The following BOD1L1 variants were observed in gnomAD, a reference collection of about 807,000 sequenced individuals.
BOD1L1 encodes biorientation of chromosomes in cell division 1 like 1, also known as biorientation of chromosomes in cell division protein 1-like 1.
Under a neutral mutation model 240.7 loss-of-function variants are expected in BOD1L1, and 86 were observed. The observed-to-expected ratio is 0.36, with a 90% CI of 0.30 to 0.43. BOD1L1 has a LOEUF of 0.43. Among genes scored for constraint, BOD1L1 ranks in the 20% least tolerant of loss-of-function variants. The pLI, the probability that BOD1L1 is intolerant of heterozygous loss-of-function variation, is 1.00. For missense variants in BOD1L1, 3,554 were observed against 3,643.5 expected (o/e 0.98, Z 0.63); for synonymous variants, 1,268 against 1,272.3 (o/e 1.00, Z 0.07).
At position 13,603,472 on chromosome 4, in the gene BOD1L1, T is replaced by C. The variant is rs1327369566; in HGVS notation, c.3428A>G (p.Asn1143Ser). The change falls in exon 10 of 26, where the codon AAT (asparagine) becomes AGT (serine). Residue 1143 changes from asparagine (N) to serine (S), a missense_variant. By Grantham distance (46) the Asn-to-Ser change is conservative (BLOSUM62 1). Coordinates refer to ENST00000040738, the MANE Select transcript of BOD1L1 (RefSeq NM_148894.3). The part of the protein sequence containing the change: ...EVSKTQDNRN[N>S]NSQQDIDSEN... ...AGAGTCAATGTCTTGCTGAGAATTATTATTGCGGTTGTCTTGGGTTTTAGA... is the reference window on the plus strand; with the variant it reads ...AGAGTCAATGTCTTGCTGAGAATTACTATTGCGGTTGTCTTGGGTTTTAGA... 6.2e-7 allele frequency: 1 copy of C among 1,614,000 alleles called. No homozygotes were observed. Among genetic ancestry groups the C allele is most frequent in the African/African-American group, 1.3e-5 (1 of 75,056 alleles).
intron 1 of BOD1L1, among the ~76,000 whole-genome samples, chr4:13,623,021 G>C (rs967890363): frequency 2.0e-5 from 3 of 152,152 alleles, no homozygotes; most frequent in Non-Finnish European, 4.4e-5. Flanking sequence ...GAATGCTCAA[G>C]CCCCAGACAG....
intron 1 of BOD1L1, among the ~76,000 whole-genome samples, chr4:13,622,106 C>A (rs936508249): frequency 1.3e-5 from 2 of 152,072 alleles, no homozygotes; most frequent in African/African-American, 4.8e-5. Flanking sequence ...CTCAAGTGAT[C>A]CACCTTTCTC....
chr4:13,616,834 TA>T (rs1313196133), intron 2 of BOD1L1, among the ~76,000 whole-genome samples: 1 of 151,170 alleles, frequency 6.6e-6, no homozygotes, highest in Non-Finnish European at 1.5e-5. Flanking sequence ...TTTTAAAGAT[TA>T]AAAAAAAATG....
chr4:13,601,311 T>G lies in BOD1L1; in HGVS notation c.5589A>C (p.Glu1863Asp), dbSNP rs1342008722. Reference sequence around the variant, plus strand: ...TCACAACATCCTCCCCTTCCTCGTCTTCCTCTTTTGCGCCTGTGCTAGTCA... The same window carrying G: ...TCACAACATCCTCCCCTTCCTCGTCGTCCTCTTTTGCGCCTGTGCTAGTCA... ...GIVTSTGAKE[E>D]DEEGEDVVTS... Residue 1863 changes from glutamate (E) to aspartate (D), a missense_variant, in exon 10 of 26, where the codon GAA becomes GAC. Physicochemically the swap from Glu to Asp is conservative, Grantham distance 45 (BLOSUM62 2). This residue lies in a region of BOD1L1 where 3,393 missense variants were observed against 3,427.1 expected (regional missense o/e 0.99). Transcript: ENST00000040738. The G allele has an allele frequency of 6.2e-7, 1 of 1,613,900 alleles. No individual in the cohort carries two copies. The highest frequency in any genetic ancestry group is 2.2e-5 in the East Asian group (1 of 44,896).
At chr4:13,576,780 A>AC in intron 25 of BOD1L1, 58 bp downstream of exon 25, 2 of 1,552,438 alleles carry the variant, frequency 1.3e-6, no homozygotes, top group Non-Finnish European at 1.7e-6. Context: ...AACCCAGAGC[A>AC]ATTTTCAGAT....
chr4:13,602,006 C>A lies in BOD1L1; in HGVS notation c.4894G>T (p.Ala1632Ser). Residue 1632 changes from alanine to serine, a missense_variant, in exon 10 of 26, where the codon GCT (alanine) becomes TCT (serine). Ala to Ser is a moderately conservative substitution (Grantham distance 99). Around this residue, in one of 2 missense-constraint regions of BOD1L1, gnomAD observed 3,393 missense variants for 3,427.1 expected, o/e 0.99. Coordinates refer to ENST00000040738, the MANE Select transcript of BOD1L1 (RefSeq NM_148894.3). ...GCTTCGATTTTAACTGCATGCACAG[C>A]CAGTAGGTCTGCTGCTCTGTCCTCA... ...ESEDRAADLL[A>S]VHAVKIEANV... is the part of the protein sequence containing the mutation. 6.2e-7 allele frequency: 1 copy of A among 1,614,012 alleles called. No homozygotes were observed. The highest frequency in any genetic ancestry group is 8.5e-7 in the Non-Finnish European group (1 of 1,179,900).
rs374707571 is a variant in BOD1L1, at chr4:13,617,645, A to G, written c.369-2143T>C. Among the ~76,000 whole-genome samples the G allele has an allele frequency of 2.6e-5, 4 of 152,230 alleles. No individual in the cohort carries two copies. In the East Asian group the frequency reaches 7.7e-4, roughly 29 times the overall value. ...ATTTTCAGATTCTGTTGTACAAATA[A>G]AAGCTTAAGTAGAATAAAATTTTCC... On this transcript the variant is annotated intron_variant, in intron 2 of 25. Coordinates refer to ENST00000040738, the MANE Select transcript of BOD1L1 (RefSeq NM_148894.3).
chr4:13,593,578 AGATT>A (rs888094566), intron 12 of BOD1L1: 3 of 152,146 alleles, frequency 2.0e-5, no homozygotes, highest in African/African-American at 7.2e-5. Context: ...GTGGGGGAAG[AGATT>A]GATTGAGCCA....
intron 25 of BOD1L1, among the ~76,000 whole-genome samples, chr4:13,576,373 T>C (rs1021883407): frequency 6.6e-6 from 1 of 152,152 alleles, no homozygotes; most frequent in African/African-American, 2.4e-5. Flanking sequence ...ACCTCAAAAA[T>C]GGTCAAATTT....
In BOD1L1 at chr4:13,579,915, G is replaced by A; in HGVS notation, c.8749+13C>T. The A allele has an allele frequency of 9.7e-6, 15 of 1,554,314 alleles. No homozygotes were observed. Among genetic ancestry groups the A allele is most frequent in the East Asian group, 2.4e-5 (1 of 41,788 alleles). The stretch of plus-strand genomic sequence containing the variant: ...CCTCAGATAACACACAGAGGAATGC[G>A]GTAGGTACATACCTGTTTGCATTAC... On this transcript the variant is annotated intron_variant, in intron 22 of 25. Coordinates refer to ENST00000040738, the MANE Select transcript of BOD1L1 (RefSeq NM_148894.3).
Position 13,613,651 on chromosome 4 carries a change from C to T in BOD1L1, c.1185G>A (p.Leu395=), listed in dbSNP as rs749505545. 1.1e-5 allele frequency: 17 copies of T among 1,532,448 alleles called. No homozygotes were observed. The highest frequency in any genetic ancestry group is 1.4e-5 in the Non-Finnish European group (16 of 1,132,730). The allele number at this position is 1,532,448 out of a possible 1,614,324, so 94.9% of individuals were successfully genotyped here. The stretch of plus-strand genomic sequence containing the variant: ...TAAGTCCATCCACATCAGAATCTAT[C>T]AAAGAGAAATCTTCAAGCGGAAAAT... ...TVEGTKEDFS[L]IDSDVDGLTD... is the part of the protein sequence containing the mutation. Residue 395 remains leucine, a synonymous_variant, in exon 5 of 26, where the codon TTG becomes TTA. Transcript: ENST00000040738. The surrounding 1 kb of genome is among the most constrained non-coding windows in gnomAD (Gnocchi z 4.0).
intron 2 of BOD1L1, among the ~76,000 whole-genome samples, chr4:13,617,202 A>G (rs1168443605): frequency 1.4e-5 from 2 of 146,064 alleles, no homozygotes; most frequent in Admixed American, 7.3e-5. Flanking sequence ...CTGAGATGGC[A>G]CCACTGCACT....
intron 19 of BOD1L1, among the ~76,000 whole-genome samples, 172 bp from the exon 20 acceptor site, chr4:13,581,379 C>T (rs1040749058): frequency 6.6e-6 from 1 of 152,158 alleles, no homozygotes; most frequent in Non-Finnish European, 1.5e-5. Context: ...TTACTGATCT[C>T]ACCATTGCTT....
Position 13,570,945 on chromosome 4 carries a change from T to C in BOD1L1, c.9039-817A>G, listed in dbSNP as rs1367937293. On this transcript the variant is annotated intron_variant, in intron 25 of 25. Transcript: ENST00000040738. ...GCATTTACCATTGTGATTCATCTGC[T>C]GTGTTTTTTCAAACTGCAAGTTACA... Among the ~76,000 whole-genome samples, 3 of 152,362 alleles carry C rather than the reference T, an allele frequency of 2.0e-5. No homozygotes were observed. The South Asian group carries it at 6.2e-4, about 32-fold the overall frequency.
At position 13,608,730 on chromosome 4, in the gene BOD1L1, AT is replaced by A. The variant is rs1445940669; in HGVS notation, c.1604-63del. 3 of 1,303,850 alleles carry A rather than the reference AT, an allele frequency of 2.3e-6. No individual in the cohort carries two copies. The African/African-American group carries it at 4.6e-5, about 20-fold the overall frequency. 80.8% of individuals were successfully genotyped at this position (1,303,850 alleles called of 1,614,324 possible). On this transcript the variant is annotated intron_variant, in intron 7 of 25. Transcript: ENST00000040738. ...AAGTTTTACAAACAATGTAATATTA[AT>A]TTTTCATTAAGATTTTTCTAATCAT...
rs780070169 is a variant in BOD1L1, at chr4:13,603,663, T to G, written c.3237A>C (p.Ser1079=). ...TTTCTTCTCCTTTGGCCATTTCTTG[T>G]GACAAGCTTCCTCTCCGATTTTCGC... ...RLCENRRGSL[S]QEMAKGEEKL... is the part of the protein sequence containing the mutation. The change falls in exon 10 of 26, where the codon TCA becomes TCC. Residue 1079 remains serine, a synonymous_variant. Coordinates refer to ENST00000040738, the MANE Select transcript of BOD1L1 (RefSeq NM_148894.3). 4.3e-6 allele frequency: 7 copies of G among 1,613,884 alleles called. No individual in the cohort carries two copies. In the African/African-American group the frequency reaches 6.7e-5, roughly 15 times the overall value.
At chr4:13,580,345 T>C (rs1713125816) in intron 21 of BOD1L1, among the ~76,000 whole-genome samples, 1 of 152,202 alleles carries the variant, frequency 6.6e-6, no homozygotes, top group African/African-American at 2.4e-5. Context: ...ATCATACCAC[T>C]TCACATTCAA....
In BOD1L1 at chr4:13,579,962, A is replaced by G; in HGVS notation, c.8715T>C (p.Ser2905=). The stretch of plus-strand genomic sequence containing the variant: ...TTACTTTCAGTTTGCTGCTAGATGG[A>G]GATTGTTCTACCTATGTTTAAATAA... ...TDTGIVTVEQ[S]PSSSKLKVMQ... Residue 2905 remains serine (S), a synonymous_variant, in exon 22 of 26, where the codon TCT becomes TCC. Coordinates refer to ENST00000040738, the MANE Select transcript of BOD1L1 (RefSeq NM_148894.3). The G allele has an allele frequency of 6.4e-7, 1 of 1,557,706 alleles. No individual in the cohort carries two copies. The highest frequency in any genetic ancestry group is 8.7e-7 in the Non-Finnish European group (1 of 1,149,454).
chr4:13,609,191 AG>A, intron 7 of BOD1L1, 103 bp downstream of exon 7: 1 of 592,720 alleles, frequency 1.7e-6, no homozygotes. Context: ...ATTTGAGACT[AG>A]ATCATTTTAT....
Sources: allele counts gnomAD v4.1 joint callset (sites outside exome capture counted in the v4.1 genomes callset), GRCh38; gene constraint gnomAD v4.1.1; regional missense constraint gnomAD v4.1.1; non-coding constraint Gnocchi (gnomAD v3.1); transcripts MANE v1.5; gene names NCBI Gene and HGNC (gene_info 2026-07-23, HGNC 2026-07-21).